Variants in APP observed in about 807,000 individuals in gnomAD.
APP encodes the protein amyloid beta precursor protein.
APP carries 31 observed loss-of-function variants against 101.4 expected under a neutral mutation model. The observed-to-expected ratio is 0.31, with a 90% confidence interval of 0.23 to 0.41. The LOEUF (loss-of-function observed/expected upper bound fraction) is 0.41, where lower values mean the gene tolerates loss of function less well. APP is among the 10% of genes least tolerant of loss of function. The pLI, the probability that APP is intolerant of heterozygous loss-of-function variation, is 1.00. For synonymous variants in APP, 366 were observed against 364.4 expected (o/e 1.00, Z -0.05); for missense variants, 839 against 1,003.7 (o/e 0.84, Z 2.22).
At chr21:26,111,087 T>TAAA (rs576900084) in intron 2 of APP, among the ~76,000 whole-genome samples, 2 of 88,464 alleles carry the variant, frequency 2.3e-5, no homozygotes, top group Non-Finnish European at 4.4e-5. Context: ...AAAGTTAAGT[T>TAAA]AAAAAAAAAA....
At chr21:26,093,049 C>A (rs2061861828) in intron 2 of APP, among the ~76,000 whole-genome samples, 1 of 152,184 alleles carries the variant, frequency 6.6e-6, no homozygotes, top group South Asian at 2.1e-4. Context: ...GCTATTAATA[C>A]TTCTCTTTAT....
chr21:26,077,728 A>G (rs1010311309), intron 3 of APP, among the ~76,000 whole-genome samples: 2 of 148,976 alleles, frequency 1.3e-5, no homozygotes, highest in East Asian at 3.9e-4. Context: ...ATTTCCCTTC[A>G]CTATAGGGTT....
chr21:26,111,270 T>C (rs147240570), intron 2 of APP, among the ~76,000 whole-genome samples: 1 of 152,124 alleles, frequency 6.6e-6, no homozygotes, highest in Non-Finnish European at 1.5e-5. Flanking sequence ...ACTAACATGA[T>C]AGTCAAAAAG....
At chr21:26,162,590 A>G (rs1289929344) in intron 1 of APP, among the ~76,000 whole-genome samples, 1 of 152,072 alleles carries the variant, frequency 6.6e-6, no homozygotes. Context: ...TCTCAACAGT[A>G]GGATTAAACC....
intron 6 of APP, among the ~76,000 whole-genome samples, chr21:26,017,065 G>C (rs2044115839): frequency 6.6e-6 from 1 of 151,622 alleles, no homozygotes; most frequent in South Asian, 2.1e-4. Context: ...CGGGCATCGT[G>C]GCAGGCACCT....
At chr21:26,129,324 A>G (rs1601532397) in intron 1 of APP, among the ~76,000 whole-genome samples, 1 of 152,050 alleles carries the variant, frequency 6.6e-6, no homozygotes, top group South Asian at 2.1e-4. Flanking sequence ...TACAAAAATT[A>G]GCCATGCGTG....
intron 1 of APP, among the ~76,000 whole-genome samples, chr21:26,126,370 G>C (rs2062685183): frequency 6.6e-6 from 1 of 152,182 alleles, no homozygotes; most frequent in African/African-American, 2.4e-5. Context: ...CTAACCAACT[G>C]TGCCCTAATG....
intron 1 of APP, among the ~76,000 whole-genome samples, chr21:26,153,987 A>C (rs2063327216): frequency 6.6e-6 from 1 of 152,188 alleles, no homozygotes; most frequent in Non-Finnish European, 1.5e-5. Context: ...ATTTCACAAA[A>C]ATGAGTTTAC....
rs372427969 is a variant in APP, at chr21:25,917,376, T to C, written c.1688-5414A>G. Among the ~76,000 whole-genome samples, 5 of 151,916 alleles carry C rather than the reference T, an allele frequency of 3.3e-5. No individual in the cohort carries two copies. The South Asian group carries it at 1.0e-3, about 32-fold the overall frequency. On this transcript the variant is annotated intron_variant, in intron 13 of 17. Coordinates refer to ENST00000346798, the MANE Select transcript of APP (RefSeq NM_000484.4). Reference sequence around the variant, plus strand: ...TGTAAACACTTTAAAGAAAACAACATCAAAAGATAATAATTTCATCTTCAA... The same window carrying C: ...TGTAAACACTTTAAAGAAAACAACACCAAAAGATAATAATTTCATCTTCAA...
At chr21:26,091,305 G>C (rs529806543) in intron 2 of APP, among the ~76,000 whole-genome samples, 1 of 152,208 alleles carries the variant, frequency 6.6e-6, no homozygotes, top group Admixed American at 6.5e-5. Flanking sequence ...CACTCCAGGG[G>C]CTAAAGAATG....
At chr21:25,889,130 T>C (rs970695566) in intron 17 of APP, among the ~76,000 whole-genome samples, 1 of 152,164 alleles carries the variant, frequency 6.6e-6, no homozygotes, top group Non-Finnish European at 1.5e-5. Context: ...AGAATTCATA[T>C]GTTGAAGTCC....
chr21:25,923,672 C>T (rs2039733488), intron 13 of APP, among the ~76,000 whole-genome samples: 4 of 136,800 alleles, frequency 2.9e-5, no homozygotes, highest in Admixed American at 7.4e-5. Context: ...AAATCAAAAC[C>T]ACTATGAGAT....
intron 9 of APP, among the ~76,000 whole-genome samples, chr21:25,978,071 C>T (rs934303540): frequency 1.3e-5 from 2 of 152,148 alleles, no homozygotes; most frequent in Non-Finnish European, 2.9e-5. Context: ...ACCTCATACA[C>T]TTTAAGAAAC....
chr21:25,991,307 C>T (rs923911077), intron 8 of APP, among the ~76,000 whole-genome samples: 9 of 151,870 alleles, frequency 5.9e-5, no homozygotes, highest in Non-Finnish European at 8.8e-5. Flanking sequence ...ATCCCCAAAG[C>T]TATTGGAAAA....
chr21:25,911,342 C>T (rs184909708), intron 14 of APP, among the ~76,000 whole-genome samples: 26 of 152,326 alleles, frequency 1.7e-4, no homozygotes, highest in Admixed American at 1.6e-3. Context: ...GGCTCCCCTT[C>T]GTCCGGGAGT....
At position 25,969,280 on chromosome 21, in the gene APP, G is replaced by A. The variant is rs572247803; in HGVS notation, c.1458+5790C>T. 9.2e-4 allele frequency among the ~76,000 whole-genome samples: 136 copies of A among 147,616 alleles called. 1 individual carries two copies. The highest frequency in any genetic ancestry group is 3.3e-3 in the African/African-American group (130 of 39,560). On this transcript the variant is annotated intron_variant, in intron 11 of 17. Transcript: ENST00000346798. The stretch of plus-strand genomic sequence containing the variant: ...GGAGAATGGTGTGAACCCAGAAGGC[G>A]GAGCTTGCAGTGAGCCAAGATCACG...
chr21:25,907,182 T>C (rs1240378040), intron 14 of APP, among the ~76,000 whole-genome samples: 1 of 152,210 alleles, frequency 6.6e-6, no homozygotes, highest in Non-Finnish European at 1.5e-5. Flanking sequence ...ATGTATTATT[T>C]AAAAACAATA....
chr21:26,090,739 A>G (rs1356634309), intron 2 of APP, among the ~76,000 whole-genome samples: 1 of 152,198 alleles, frequency 6.6e-6, no homozygotes, highest in African/African-American at 2.4e-5. Context: ...ACCTCCCCCT[A>G]TCTCTCACTA....
Position 26,012,135 on chromosome 21 carries a change from G to C in APP, c.865+9705C>G, listed in dbSNP as rs372619157. On this transcript the variant is annotated intron_variant, in intron 6 of 17. Coordinates refer to ENST00000346798, the MANE Select transcript of APP (RefSeq NM_000484.4). ...CGACCCTCCCACCTCAGCCTCCTGA[G>C]TAGCTGGGACTATAAGCCTGTGACA... Among the ~76,000 whole-genome samples, 157 of 151,516 alleles carry C rather than the reference G, an allele frequency of 1.0e-3. 1 individual carries two copies. In the South Asian group the frequency reaches 0.024, roughly 23 times the overall value.
Sources: allele counts gnomAD v4.1 joint callset (sites outside exome capture counted in the v4.1 genomes callset), GRCh38; gene constraint gnomAD v4.1.1; transcripts MANE v1.5; gene names NCBI Gene and HGNC (gene_info 2026-07-23, HGNC 2026-07-21).